The following KRT17 variants were observed in gnomAD, a reference collection of about 807,000 sequenced individuals.
The protein encoded by KRT17 is keratin 17.
A neutral mutation model predicts 45.6 loss-of-function variants in KRT17; 29 were observed. That is an observed-to-expected ratio of 0.64 (90% CI 0.47 to 0.87). The LOEUF is 0.87. Ranked by LOEUF, KRT17 falls within the 40% of genes least tolerant of loss-of-function variation. The pLI, the probability that KRT17 is intolerant of heterozygous loss-of-function variation, is 0.00. For missense variants in KRT17, 536 were observed against 577.8 expected (o/e 0.93, Z 0.74); for synonymous variants, 219 against 234.6 (o/e 0.93, Z 0.61).
chr17:41,623,615 A>T (rs1908622284), intron 1 of KRT17, among the ~76,000 whole-genome samples: 1 of 152,004 alleles, frequency 6.6e-6, no homozygotes, highest in African/African-American at 2.4e-5. Flanking sequence ...GGCCTTCCCC[A>T]CACTGAGGTC....
In KRT17 at chr17:41,619,578, C is replaced by G. The variant is rs768111081; in HGVS notation, c.*16G>C. The stretch of plus-strand genomic sequence containing the variant: ...CCTCCCTGCCTCCTGGGTGGCCGGC[C>G]GGGGTAGCTGAGTCCTCAGCGGGTG... On this transcript the variant is annotated 3_prime_UTR_variant, in exon 8 of 8. Transcript: ENST00000311208. 1 of 1,611,950 alleles carries G rather than the reference C, an allele frequency of 6.2e-7. No individual in the cohort carries two copies. Among genetic ancestry groups the G allele is most frequent in the South Asian group, 1.1e-5 (1 of 90,998 alleles).
rs1350620254 is a variant in KRT17 at position 41,621,109 on chromosome 17, G to A, written c.835-18C>T. 1 of 1,613,388 alleles carries A rather than the reference G, an allele frequency of 6.2e-7. No homozygotes were observed. Among genetic ancestry groups the A allele is most frequent in the Non-Finnish European group, 8.5e-7 (1 of 1,179,856 alleles). On this transcript the variant is annotated intron_variant, in intron 4 of 7. Transcript: ENST00000311208. Reference sequence around the variant, plus strand: ...TCCTCTGTCTGCAGACAGGACACAGGACAGGGCGGTGTGAGCCTGGATCCC... The same window carrying A: ...TCCTCTGTCTGCAGACAGGACACAGAACAGGGCGGTGTGAGCCTGGATCCC...
rs536728193 is a variant in KRT17, at chr17:41,624,571, T to A, written c.-62A>T. The stretch of plus-strand genomic sequence containing the variant: ...GCTGGAGAGGAGAGGGGCCCCAAGT[T>A]GTGTAGGGCTGCCGGGGTTCGCCCG... On this transcript the variant is annotated 5_prime_UTR_variant, in exon 1 of 8. Coordinates refer to ENST00000311208, the MANE Select transcript of KRT17 (RefSeq NM_000422.3). 3,314 of 1,416,550 alleles carry A rather than the reference T, an allele frequency of 2.3e-3. 15 individuals carry two copies. The highest frequency in any genetic ancestry group is 7.5e-3 in the South Asian group (633 of 84,452). The allele number at this position is 1,416,550 out of a possible 1,614,324, so 87.7% of individuals were successfully genotyped here.
At chr17:41,621,127 T>C (rs562999429) in intron 4 of KRT17, 36 bp from the exon 5 acceptor site, 2 of 1,612,596 alleles carry the variant, frequency 1.2e-6, no homozygotes, top group South Asian at 1.1e-5. Flanking sequence ...GGTGTGAGCC[T>C]GGATCCCTCT....
chr17:41,623,324 C>T (rs1464421311), intron 1 of KRT17: 4 of 390,910 alleles, frequency 1.0e-5, no homozygotes, highest in Admixed American at 3.7e-5. Flanking sequence ...GAAAATGTCC[C>T]CAGGGCAGAA....
Position 41,619,636 on chromosome 17 carries a change from C to A in KRT17, c.1257G>T (p.Lys419Asn). The change falls in exon 8 of 8, where the codon AAG becomes AAT. Residue 419 changes from lysine (K) to asparagine (N), a missense_variant. Coordinates refer to ENST00000311208, the MANE Select transcript of KRT17 (RefSeq NM_000422.3). ...RTIVEEVQDGKVISSREQVHQ... is the reference protein window; with the variant it reads ...RTIVEEVQDGNVISSREQVHQ... The stretch of plus-strand genomic sequence containing the variant: ...GGACCTGCTCGCGGGAGGAGATGAC[C>A]TTGCCATCCTGGACCTCTTCCACAA... 6 of 1,612,186 alleles carry A rather than the reference C, an allele frequency of 3.7e-6. No individual in the cohort carries two copies. The highest frequency in any genetic ancestry group is 5.1e-6 in the Non-Finnish European group (6 of 1,180,000).
intron 4 of KRT17, 123 bp from the exon 5 acceptor site, chr17:41,621,214 A>G: frequency 1.6e-6 from 2 of 1,249,378 alleles, no homozygotes; most frequent in Admixed American, 3.8e-5. Flanking sequence ...CCCAAAGCCC[A>G]GAAACATGCC....
chr17:41,619,447 G>A lies in KRT17; in HGVS notation c.*147C>T, dbSNP rs1214231567. The A allele has an allele frequency of 5.6e-6, 8 of 1,431,520 alleles. No homozygotes were observed. The highest frequency in any genetic ancestry group is 2.8e-5 in the African/African-American group (2 of 71,176). The allele number at this position is 1,431,520 out of a possible 1,614,324, so 88.7% of individuals were successfully genotyped here. ...CAGAACAAGGACACATTTCATAGCT[G>A]AGTCAACAAGCTTTATTGTCATCAG... On this transcript the variant is annotated 3_prime_UTR_variant, in exon 8 of 8. Coordinates refer to ENST00000311208, the MANE Select transcript of KRT17 (RefSeq NM_000422.3).
chr17:41,624,174 C>T lies in KRT17; in HGVS notation c.336G>A (p.Leu112=), dbSNP rs1908644162. The part of the protein sequence containing the change: ...VRALEEANTE[L]EVKIRDWYQR... ...GGTACCAGTCACGGATCTTCACCTC[C>T]AGCTCAGTGTTGGCCTCCTCCAGGG... is the stretch of plus-strand genomic sequence containing the variant. The change falls in exon 1 of 8, where the codon CTG becomes CTA. Residue 112 remains leucine (L), a synonymous_variant. Transcript: ENST00000311208. 2 of 1,612,508 alleles carry T rather than the reference C, an allele frequency of 1.2e-6. No homozygotes were observed. The highest frequency in any genetic ancestry group is 1.7e-6 in the Non-Finnish European group (2 of 1,179,986).
chr17:41,624,399 G>A lies in KRT17; in HGVS notation c.111C>T (p.Ala37=), dbSNP rs767403420. The change falls in exon 1 of 8, where the codon GCC becomes GCT. Residue 37 remains alanine, a synonymous_variant. Coordinates refer to ENST00000311208, the MANE Select transcript of KRT17 (RefSeq NM_000422.3). ...CAGCAGATCCCAGCCTGCAGGAGCCGGCACCCAGGCCGCCAGACAGCCGGC... is the reference window on the plus strand; with the variant it reads ...CAGCAGATCCCAGCCTGCAGGAGCCAGCACCCAGGCCGCCAGACAGCCGGC... The part of the protein sequence containing the change: ...TSCRLSGGLG[A]GSCRLGSAGG... The A allele has an allele frequency of 2.7e-5, 43 of 1,610,480 alleles. No individual in the cohort carries two copies. The highest frequency in any genetic ancestry group is 2.3e-4 in the Middle Eastern group (1 of 4,430).
intron 4 of KRT17, 133 bp downstream of exon 4, chr17:41,621,459 TG>T: frequency 9.0e-7 from 1 of 1,107,450 alleles, no homozygotes; most frequent in Non-Finnish European, 1.4e-6. Flanking sequence ...GTTGATGCAG[TG>T]GGTGACCCTG....
At position 41,620,960 on chromosome 17, in the gene KRT17, T is replaced by C. The variant is rs1341936906; in HGVS notation, c.960+6A>G. The C allele has an allele frequency of 6.2e-7, 1 of 1,613,992 alleles. No individual in the cohort carries two copies. Among genetic ancestry groups the C allele is most frequent in the Admixed American group, 1.7e-5 (1 of 60,000 alleles). Reference sequence around the variant, plus strand: ...GGCCCTCCCCCATGCACAGGACTGTTCCTACCATGCTGAGCTGGGACTGCA... The same window carrying C: ...GGCCCTCCCCCATGCACAGGACTGTCCCTACCATGCTGAGCTGGGACTGCA... On this transcript the variant is annotated splice_donor_region_variant and intron_variant, in intron 5 of 7. Coordinates refer to ENST00000311208, the MANE Select transcript of KRT17 (RefSeq NM_000422.3).
chr17:41,622,076 CTT>C (rs533840591), intron 3 of KRT17: 9 of 595,256 alleles, frequency 1.5e-5, no homozygotes, highest in African/African-American at 1.3e-4. Context: ...GATTTCCTTA[CTT>C]ATCCCCCACC....
chr17:41,621,004 G>T lies in KRT17; in HGVS notation c.922C>A (p.Gln308Lys), dbSNP rs1908520291. 1.2e-6 allele frequency: 2 copies of T among 1,613,846 alleles called. No homozygotes were observed. Among genetic ancestry groups the T allele is most frequent in the African/African-American group, 1.3e-5 (1 of 74,898 alleles). Residue 308 changes from glutamine to lysine, a missense_variant, in exon 5 of 8, where the codon CAG becomes AAG. By Grantham distance (53) the Gln-to-Lys change is moderately conservative. Transcript: ENST00000311208. The part of the protein sequence containing the change: ...SEISELRRTM[Q>K]ALEIELQSQL... ...GACTGCAGCTCTATCTCCAAGGCCT[G>T]CATGGTGCGCCGGAGCTCCGAGATC... is the stretch of plus-strand genomic sequence containing the variant.
At position 41,622,428 on chromosome 17, in the gene KRT17, G is replaced by C; in HGVS notation, c.599C>G (p.Ala200Gly). The C allele has an allele frequency of 6.2e-7, 1 of 1,614,052 alleles. No individual in the cohort carries two copies. The highest frequency in any genetic ancestry group is 1.1e-5 in the South Asian group (1 of 91,070). The change falls in exon 3 of 8, where the codon GCC becomes GGC. Residue 200 changes from alanine to glycine, a missense_variant. Coordinates refer to ENST00000311208, the MANE Select transcript of KRT17 (RefSeq NM_000422.3). ...LRRVLDELTL[A>G]RADLEMQIEN... ...AATCTGCATCTCCAGGTCGGCTCTGGCCAGGGTCAGCTCATCCAGCACCCT... is the reference window on the plus strand; with the variant it reads ...AATCTGCATCTCCAGGTCGGCTCTGCCCAGGGTCAGCTCATCCAGCACCCT...
intron 7 of KRT17, chr17:41,620,163 C>T (rs184690073): frequency 1.0e-6 from 1 of 985,390 alleles, no homozygotes; most frequent in Admixed American, 6.1e-5. Flanking sequence ...GTCCCTATCT[C>T]CCATCAGGCT....
intron 4 of KRT17, 56 bp downstream of exon 4, chr17:41,621,537 T>C: frequency 6.2e-7 from 1 of 1,607,946 alleles, no homozygotes; most frequent in Non-Finnish European, 8.5e-7. Context: ...CTGTCAGTGC[T>C]AAGGCCCCTG....
chr17:41,620,523 C>T lies in KRT17; in HGVS notation c.1204+13G>A, dbSNP rs767385927. Reference sequence around the variant, plus strand: ...CACCCAACCCCCAGGGCCGAAGCCACGCAGATACTTACGTTCTTTCTTGTA... The same window carrying T: ...CACCCAACCCCCAGGGCCGAAGCCATGCAGATACTTACGTTCTTTCTTGTA... On this transcript the variant is annotated intron_variant, in intron 7 of 7. Coordinates refer to ENST00000311208, the MANE Select transcript of KRT17 (RefSeq NM_000422.3). 13 of 1,611,524 alleles carry T rather than the reference C, an allele frequency of 8.1e-6. No homozygotes were observed. Among genetic ancestry groups the T allele is most frequent in the Admixed American group, 3.3e-5 (2 of 59,968 alleles).
At position 41,620,857 on chromosome 17, in the gene KRT17, A is replaced by G; in HGVS notation, c.983T>C (p.Leu328Pro). ...LSMKASLEGN[L>P]AETENRYCVQ... Reference sequence around the variant, plus strand: ...GCAGTAGCGGTTCTCTGTCTCCGCCAGGTTGCCCTCCAGGGATGCTTTCTG... The same window carrying G: ...GCAGTAGCGGTTCTCTGTCTCCGCCGGGTTGCCCTCCAGGGATGCTTTCTG... The change falls in exon 6 of 8, where the codon CTG becomes CCG. Residue 328 changes from leucine (L) to proline (P), a missense_variant. Leu to Pro is a moderately conservative substitution (Grantham distance 98). Transcript: ENST00000311208. The G allele has an allele frequency of 3.7e-6, 6 of 1,613,936 alleles. No individual in the cohort carries two copies. Among genetic ancestry groups the G allele is most frequent in the Non-Finnish European group, 5.1e-6 (6 of 1,179,874 alleles).
Sources: allele counts gnomAD v4.1 joint callset (sites outside exome capture counted in the v4.1 genomes callset), GRCh38; gene constraint gnomAD v4.1.1; transcripts MANE v1.5; gene names NCBI Gene and HGNC (gene_info 2026-07-23, HGNC 2026-07-21).